ACAP1: variants seen among roughly 807,000 people sequenced by gnomAD.
The protein encoded by ACAP1 is arf-GAP with coiled-coil, ANK repeat and PH domain-containing protein 1.
ACAP1 carries 45 observed loss-of-function variants against 98.8 expected under a neutral mutation model. The observed-to-expected ratio is 0.46, with a 90% CI of 0.36 to 0.58. ACAP1 has a LOEUF of 0.58. ACAP1 is among the 20% of genes least tolerant of loss of function. The pLI, the probability that ACAP1 is intolerant of heterozygous loss-of-function variation, is 0.00. For synonymous variants in ACAP1, 362 were observed against 375.3 expected, an observed-to-expected ratio of 0.96 and a Z score of 0.41; for missense variants, 735 against 971.4, an observed-to-expected ratio of 0.76 and a Z score of 3.24.
At position 7,346,817 on chromosome 17, in the gene ACAP1, C is replaced by T; in HGVS notation, c.1017C>T (p.Leu339=). The T allele has an allele frequency of 6.2e-7, 1 of 1,612,688 alleles. No individual in the cohort carries two copies. Among genetic ancestry groups the T allele is most frequent in the East Asian group, 2.2e-5 (1 of 44,860 alleles). ...TCACCCTCCTACCTAGGTCCTGCCT[C>T]CTCCAGGCTGACTCAGAGCGCCTCC... The part of the protein sequence containing the change: ...FEVVSTSKSC[L]LQADSERLLQ... Residue 339 remains leucine, a synonymous_variant, in exon 13 of 22, where the codon CTC becomes CTT. Coordinates refer to ENST00000158762, the MANE Select transcript of ACAP1 (RefSeq NM_014716.4).
In ACAP1 at chr17:7,343,244, T is replaced by C; in HGVS notation, c.345-135T>C. On this transcript the variant is annotated intron_variant, in intron 5 of 21. Transcript: ENST00000158762. The surrounding 1 kb of genome is among the most constrained non-coding windows in gnomAD (Gnocchi z 4.9). Reference sequence around the variant, plus strand: ...GATTGGGGGTTTCTGGTGTCCTGACTTCCGTCCCAGGGATCACCTTGGGTT... The same window carrying C: ...GATTGGGGGTTTCTGGTGTCCTGACCTCCGTCCCAGGGATCACCTTGGGTT... 1 of 916,076 alleles carries C rather than the reference T, an allele frequency of 1.1e-6. No homozygotes were observed. Among genetic ancestry groups the C allele is most frequent in the Non-Finnish European group, 1.6e-6 (1 of 609,418 alleles). The allele number at this position is 916,076 out of a possible 1,614,324, so 56.7% of individuals were successfully genotyped here.
rs2073377608 is a variant in ACAP1 at position 7,349,124 on chromosome 17, G to C, written c.1808G>C (p.Gly603Ala). 1 of 1,613,970 alleles carries C rather than the reference G, an allele frequency of 6.2e-7. No individual in the cohort carries two copies. The highest frequency in any genetic ancestry group is 1.3e-5 in the African/African-American group (1 of 74,972). ...GGAGCTGATGTCAACTGGGTCAATG[G>C]GGGCCAAGATAATGCCACACCGCTG... ...AHGADVNWVN[G>A]GQDNATPLIQ... The change falls in exon 18 of 22, where the codon GGG becomes GCG. Residue 603 changes from glycine (G) to alanine (A), a missense_variant. This residue lies in a region of ACAP1 where 142 missense variants were observed against 224.1 expected (regional missense o/e 0.63). Transcript: ENST00000158762.
At position 7,346,352 on chromosome 17, in the gene ACAP1, C is replaced by A. The variant is rs114042758; in HGVS notation, c.907-39C>A. On this transcript the variant is annotated intron_variant, in intron 11 of 21. Transcript: ENST00000158762. Reference sequence around the variant, plus strand: ...CCCAGGGAGACTCAGCTCTTGCCTGCAGCTGGACATCTGGCCCCTTATCAC... The same window carrying A: ...CCCAGGGAGACTCAGCTCTTGCCTGAAGCTGGACATCTGGCCCCTTATCAC... 2.5e-3 allele frequency: 4,054 copies of A among 1,613,554 alleles called. 93 individuals are homozygous for A. The African/African-American group carries it at 0.047, about 19-fold the overall frequency.
At chr17:7,342,154 AG>A in intron 3 of ACAP1, 87 bp downstream of exon 3, 1 of 1,608,268 alleles carries the variant, frequency 6.2e-7, no homozygotes, top group Non-Finnish European at 8.5e-7. Flanking sequence ...TGGGGTCTGC[AG>A]GTTCCAGGCC....
In ACAP1 at chr17:7,350,558, C is replaced by T; in HGVS notation, c.2072+321C>T. The T allele has an allele frequency of 2.2e-6, 1 of 448,708 alleles. No individual in the cohort carries two copies. Among genetic ancestry groups the T allele is most frequent in the Non-Finnish European group, 4.0e-6 (1 of 249,104 alleles). The allele number at this position is 448,708 out of a possible 1,614,324, so 27.8% of individuals were successfully genotyped here. On this transcript the variant is annotated intron_variant, in intron 20 of 21. Coordinates refer to ENST00000158762, the MANE Select transcript of ACAP1 (RefSeq NM_014716.4). The surrounding 1 kb of genome is among the most constrained non-coding windows in gnomAD (Gnocchi z 4.6). Reference sequence around the variant, plus strand: ...GACCCCGGGGGTGGGGGCAGATGAACGGAACGCAACCCAGCTCAAAGGATG... The same window carrying T: ...GACCCCGGGGGTGGGGGCAGATGAATGGAACGCAACCCAGCTCAAAGGATG...
intron 10 of ACAP1, 29 bp from the exon 11 acceptor site, chr17:7,346,215 A>G (rs536379139): frequency 6.2e-7 from 1 of 1,610,940 alleles, no homozygotes; most frequent in South Asian, 1.1e-5. Flanking sequence ...AAAGCTGCCT[A>G]TGTCTGTAAT....
Position 7,348,002 on chromosome 17 carries a change from G to A in ACAP1, c.1413+11G>A, listed in dbSNP as rs201686876. 2.9e-4 allele frequency: 467 copies of A among 1,614,068 alleles called. 3 individuals carry two copies. The African/African-American group carries it at 3.4e-3, about 12-fold the overall frequency. On this transcript the variant is annotated intron_variant, in intron 15 of 21. Coordinates refer to ENST00000158762, the MANE Select transcript of ACAP1 (RefSeq NM_014716.4). The stretch of plus-strand genomic sequence containing the variant: ...CCAGAACTAGTGAAGGTAACTTAGC[G>A]TATTGTGAAGATTGGGGGCAAGAAC...
rs1303894268 is a variant in ACAP1 at position 7,349,995 on chromosome 17, C to T, written c.1902C>T (p.Asn634=). The change falls in exon 19 of 22, where the codon AAC becomes AAT. Residue 634 remains asparagine (N), a synonymous_variant. Coordinates refer to ENST00000158762, the MANE Select transcript of ACAP1 (RefSeq NM_014716.4). ...EFLLQNGANV[N]QADSAGRGPL... ...TCCTCCAGAACGGGGCGAACGTGAACCAAGCGGACAGTGCGGGCCGGGGCC... is the reference window on the plus strand; with the variant it reads ...TCCTCCAGAACGGGGCGAACGTGAATCAAGCGGACAGTGCGGGCCGGGGCC... 1 of 1,613,576 alleles carries T rather than the reference C, an allele frequency of 6.2e-7. No individual in the cohort carries two copies. The highest frequency in any genetic ancestry group is 8.5e-7 in the Non-Finnish European group (1 of 1,179,552).
intron 21 of ACAP1, 44 bp downstream of exon 21, chr17:7,351,043 C>A: frequency 6.3e-7 from 1 of 1,575,596 alleles, no homozygotes; most frequent in Non-Finnish European, 8.7e-7. Flanking sequence ...AACACCTGAA[C>A]TCTGGGCTTC....
At chr17:7,341,829 C>A in intron 2 of ACAP1, 119 bp from the exon 3 acceptor site, 2 of 1,452,590 alleles carry the variant, frequency 1.4e-6, no homozygotes, top group South Asian at 1.3e-5. Context: ...GGCAGTGAGG[C>A]CAGGCAGGAA....
intron 12 of ACAP1, 77 bp from the exon 13 acceptor site, chr17:7,346,731 A>C (rs2073350073): frequency 1.3e-6 from 2 of 1,500,178 alleles, no homozygotes; most frequent in Non-Finnish European, 1.8e-6. Flanking sequence ...TACTGGCTGA[A>C]TGTCAGTCTG....
intron 5 of ACAP1, 85 bp downstream of exon 5, chr17:7,342,559 A>G: frequency 6.9e-7 from 1 of 1,439,650 alleles, no homozygotes; most frequent in South Asian, 1.2e-5. Flanking sequence ...TGAGCCCAGG[A>G]GTTGGACACC....
rs62059224 is a variant in ACAP1 at position 7,344,129 on chromosome 17, G to A, written c.744+6G>A. On this transcript the variant is annotated splice_donor_region_variant and intron_variant, in intron 9 of 21. Coordinates refer to ENST00000158762, the MANE Select transcript of ACAP1 (RefSeq NM_014716.4). The surrounding 1 kb of genome is among the most constrained non-coding windows in gnomAD (Gnocchi z 4.9). ...ACGTGCTGCTGAAACAGAAGGTGAG[G>A]GGCCAGGTGCGGTGGCCCACGACCG... 1.9e-6 allele frequency: 3 copies of A among 1,565,952 alleles called. No homozygotes were observed. Among genetic ancestry groups the A allele is most frequent in the Non-Finnish European group, 2.6e-6 (3 of 1,155,124 alleles).
rs762483497 is a variant in ACAP1 at position 7,347,100 on chromosome 17, C to T, written c.1201C>T (p.Pro401Ser). Reference protein sequence around the residue: ...GSGGMARGREPGGVGHVVAQV... With the variant: ...GSGGMARGRESGGVGHVVAQV... Reference sequence around the variant, plus strand: ...TGGTGGAATGGCCAGGGGAAGGGAGCCTGGGGGAGTCGGGCACGTGGTGGC... The same window carrying T: ...TGGTGGAATGGCCAGGGGAAGGGAGTCTGGGGGAGTCGGGCACGTGGTGGC... Residue 401 changes from proline to serine, a missense_variant, in exon 14 of 22, where the codon CCT becomes TCT. Pro to Ser is a moderately conservative substitution (Grantham distance 74). This residue lies in a region of ACAP1 where 430 missense variants were observed against 531.8 expected (regional missense o/e 0.81). Coordinates refer to ENST00000158762, the MANE Select transcript of ACAP1 (RefSeq NM_014716.4). 1 of 1,613,256 alleles carries T rather than the reference C, an allele frequency of 6.2e-7. No individual in the cohort carries two copies. The highest frequency in any genetic ancestry group is 8.5e-7 in the Non-Finnish European group (1 of 1,179,512).
chr17:7,345,978 A>G, intron 10 of ACAP1: 1 of 443,778 alleles, frequency 2.3e-6, no homozygotes, highest in South Asian at 2.4e-5. Flanking sequence ...GTAGCAATAG[A>G]CATTTTATTA....
intron 2 of ACAP1, 38 bp from the exon 3 acceptor site, chr17:7,341,910 T>C (rs2073284303): frequency 6.2e-7 from 1 of 1,612,080 alleles, no homozygotes; most frequent in Non-Finnish European, 8.5e-7. Context: ...GGTGTGAGGA[T>C]GATGGCACAG....
At chr17:7,348,669 G>A (rs2073372183) in intron 17 of ACAP1, 194 bp downstream of exon 17, 1 of 653,082 alleles carries the variant, frequency 1.5e-6, no homozygotes. Flanking sequence ...GCGTGGGCAG[G>A]GAGGGTAAGG....
chr17:7,338,536 T>C (rs1405793601), intron 2 of ACAP1, among the ~76,000 whole-genome samples: 1 of 152,062 alleles, frequency 6.6e-6, no homozygotes, highest in Non-Finnish European at 1.5e-5. Flanking sequence ...GTGCTGGCAT[T>C]ACAGGCTTAA....
intron 12 of ACAP1, 130 bp downstream of exon 12, chr17:7,346,621 G>T (rs1007269720): frequency 2.3e-5 from 27 of 1,161,722 alleles, no homozygotes; most frequent in Non-Finnish European, 3.2e-5. Context: ...CGGCTGGACT[G>T]GGGGGCCATT....
Sources: gnomAD v4.1 joint callset for allele counts (sites outside exome capture counted in the v4.1 genomes callset) on GRCh38, gnomAD v4.1.1 for gene constraint, gnomAD v4.1.1 regional missense constraint, Gnocchi (gnomAD v3.1) non-coding constraint, MANE v1.5 for transcripts, NCBI Gene and HGNC (gene_info 2026-07-23, HGNC 2026-07-21) for gene names.